Variants in RGS6 observed in about 807,000 individuals in gnomAD.
RGS6 encodes the protein regulator of G-protein signaling 6.
RGS6 carries 30 observed loss-of-function variants against 78.5 expected under a neutral mutation model. The observed-to-expected ratio is 0.38, with a 90% CI of 0.29 to 0.52. RGS6 has a LOEUF of 0.52. Ranked by LOEUF, RGS6 falls within the 20% of genes least tolerant of loss-of-function variation. The probability of loss-of-function intolerance (pLI) is 0.85; values close to 1 mark genes in which losing one functional copy is unlikely to be tolerated. For missense variants in RGS6, 495 were observed against 609.7 expected (o/e 0.81, Z 1.98); for synonymous variants, 206 against 206.0 (o/e 1.00, Z 0.00).
chr14:72,547,842 T>A lies in RGS6; in HGVS notation c.1422+7748T>A, dbSNP rs556397709. On this transcript the variant is annotated intron_variant, in intron 17 of 17. Coordinates refer to ENST00000553525, the MANE Select transcript of RGS6 (RefSeq NM_001204424.2). ...GGCCACATACGGGAATGGGCCTCAT[T>A]GGTGTAATATTTGGCAGATTCTCTC... Among the ~76,000 whole-genome samples the A allele has an allele frequency of 7.4e-4, 112 of 152,282 alleles. 1 individual carries two copies. The highest frequency in any genetic ancestry group is 2.7e-3 in the African/African-American group (111 of 41,572).
At chr14:72,499,889 C>A (rs908462084) in intron 13 of RGS6, among the ~76,000 whole-genome samples, 1 of 152,150 alleles carries the variant, frequency 6.6e-6, no homozygotes, top group Non-Finnish European at 1.5e-5. Context: ...CTCCTGGTTC[C>A]CTTTCTAAAT....
At chr14:72,484,532 T>C (rs183626939) in intron 12 of RGS6, among the ~76,000 whole-genome samples, 1 of 152,314 alleles carries the variant, frequency 6.6e-6, no homozygotes, top group East Asian at 1.9e-4. Context: ...TGTGTGGTTT[T>C]TTTTTGGTGG....
rs778835187 is a variant in RGS6 at position 72,352,213 on chromosome 14, G to A, written c.184+19G>A. 1.9e-6 allele frequency: 3 copies of A among 1,592,456 alleles called. No homozygotes were observed. The highest frequency in any genetic ancestry group is 1.7e-4 in the Middle Eastern group (1 of 6,016). On this transcript the variant is annotated intron_variant, in intron 3 of 17. Coordinates refer to ENST00000553525, the MANE Select transcript of RGS6 (RefSeq NM_001204424.2). ...GTCACAGGTAACACCCTCCTTGCAAGGTGTTGGTAACAGTCAGAACTACCA... is the reference window on the plus strand; with the variant it reads ...GTCACAGGTAACACCCTCCTTGCAAAGTGTTGGTAACAGTCAGAACTACCA...
intron 2 of RGS6, among the ~76,000 whole-genome samples, chr14:72,108,929 C>G (rs956282800): frequency 3.3e-5 from 5 of 151,976 alleles, no homozygotes; most frequent in African/African-American, 1.2e-4. Flanking sequence ...CCTCTTTTAT[C>G]CTTAAGCAAT....
rs567495494 is a variant in RGS6 at position 72,098,659 on chromosome 14, C to G, written c.84+133784C>G. On this transcript the variant is annotated intron_variant, in intron 2 of 17. Coordinates refer to ENST00000553525, the MANE Select transcript of RGS6 (RefSeq NM_001204424.2). ...AAAAATACAGAGTTCCAGTTTCCCTCAAAAATTTGGAAGTTTTGGCAAAAT... is the reference window on the plus strand; with the variant it reads ...AAAAATACAGAGTTCCAGTTTCCCTGAAAAATTTGGAAGTTTTGGCAAAAT... 2.0e-5 allele frequency among the ~76,000 whole-genome samples: 3 copies of G among 152,280 alleles called. No homozygotes were observed. The South Asian group carries it at 6.2e-4, about 32-fold the overall frequency.
At chr14:72,596,993 C>A in the RGS6 span, among the ~76,000 whole-genome samples, 1 of 152,330 alleles carries the variant, frequency 6.6e-6, no homozygotes, top group African/African-American at 2.4e-5. Context: ...AATCCCAACA[C>A]TTTGGGATGC....
intron 2 of RGS6, among the ~76,000 whole-genome samples, chr14:72,294,869 C>A (rs1050234608): frequency 2.0e-5 from 3 of 152,168 alleles, no homozygotes; most frequent in Non-Finnish European, 4.4e-5. Context: ...TGGGGGATTA[C>A]AACTAAAATG....
the RGS6 span, chr14:72,629,842 G>A: frequency 5.0e-5 from 45 of 908,232 alleles, no homozygotes; most frequent in Non-Finnish European, 7.2e-5. Flanking sequence ...GCAGGGCAGG[G>A]TAGCATGACG....
At position 72,192,025 on chromosome 14, in the gene RGS6, G is replaced by A. The variant is rs542290747; in HGVS notation, c.85-160070G>A. On this transcript the variant is annotated intron_variant, in intron 2 of 17. Coordinates refer to ENST00000553525, the MANE Select transcript of RGS6 (RefSeq NM_001204424.2). ...GAATACCTGGCAAGCAGACATGCAC[G>A]TGGGTCATTTTGTTTATTAACACCA... Among the ~76,000 whole-genome samples, 30 of 152,260 alleles carry A rather than the reference G, an allele frequency of 2.0e-4. No individual in the cohort carries two copies. The South Asian group carries it at 2.3e-3, about 12-fold the overall frequency.
chr14:72,489,200 A>G (rs1237423451), intron 12 of RGS6, among the ~76,000 whole-genome samples: 3 of 142,264 alleles, frequency 2.1e-5, no homozygotes, highest in Admixed American at 1.5e-4. Context: ...TGAGAATGCC[A>G]TGGATGCTGA....
chr14:72,358,928 G>T (rs1223932709), intron 3 of RGS6, among the ~76,000 whole-genome samples: 1 of 152,194 alleles, frequency 6.6e-6, no homozygotes, highest in Non-Finnish European at 1.5e-5. Context: ...ATGAGTCTTG[G>T]GAAGGATGCA....
intron 2 of RGS6, among the ~76,000 whole-genome samples, chr14:72,266,520 T>C (rs1461230947): frequency 6.6e-6 from 1 of 152,194 alleles, no homozygotes; most frequent in Non-Finnish European, 1.5e-5. Flanking sequence ...TTCTCGAATG[T>C]TCTTGAAGAT....
chr14:72,457,112 G>A lies in RGS6; in HGVS notation c.236-1159G>A, dbSNP rs192522214. Among the ~76,000 whole-genome samples the A allele has an allele frequency of 8.0e-3, 1,076 of 134,284 alleles. 13 individuals are homozygous for A. The highest frequency in any genetic ancestry group is 0.028 in the African/African-American group (977 of 34,550). The allele number at this position is 134,284 out of a possible 152,430, so 88.1% of individuals were successfully genotyped here. ...AAAAAAAAAAAAAAAAAAAAAAATA[G>A]CAAATTGGTCATCACTAAGCAAGTA... On this transcript the variant is annotated intron_variant, in intron 4 of 17. Coordinates refer to ENST00000553525, the MANE Select transcript of RGS6 (RefSeq NM_001204424.2).
chr14:72,571,522 G>A (rs192584097), downstream of RGS6, among the ~76,000 whole-genome samples: 12 of 152,320 alleles, frequency 7.9e-5, no homozygotes, highest in South Asian at 4.1e-4. Context: ...AAACCCATGC[G>A]TTTATAGCCA....
At chr14:72,004,465 A>G (rs2084121434) in intron 2 of RGS6, among the ~76,000 whole-genome samples, 1 of 152,224 alleles carries the variant, frequency 6.6e-6, no homozygotes, top group Non-Finnish European at 1.5e-5. Context: ...GAAAGTTAAA[A>G]CTATATTTTG....
At chr14:72,540,158 T>TTC (rs200138384) in intron 17 of RGS6, 64 bp downstream of exon 17, 78 of 275,006 alleles carry the variant, frequency 2.8e-4, no homozygotes, top group Middle Eastern at 1.6e-3. Context: ...TTTCTTCTTC[T>TTC]TTTTTTTTTT....
chr14:72,575,080 C>G, the RGS6 span, among the ~76,000 whole-genome samples: 39 of 152,036 alleles, frequency 2.6e-4, no homozygotes, highest in African/African-American at 8.0e-4. Flanking sequence ...AGAGCTGCTT[C>G]CAAAGAGGGT....
intron 2 of RGS6, among the ~76,000 whole-genome samples, chr14:71,982,147 G>T (rs1380695881): frequency 6.6e-6 from 1 of 152,162 alleles, no homozygotes; most frequent in African/African-American, 2.4e-5. Flanking sequence ...GCTTCGGCTG[G>T]CGCATGGTGC....
At chr14:71,965,676 T>C (rs1420095786) in intron 2 of RGS6, among the ~76,000 whole-genome samples, 1 of 152,102 alleles carries the variant, frequency 6.6e-6, no homozygotes, top group African/African-American at 2.4e-5. Flanking sequence ...GTGCCAAGAG[T>C]TGCAAGATTG....
Sources: allele counts gnomAD v4.1 joint callset (sites outside exome capture counted in the v4.1 genomes callset), GRCh38; gene constraint gnomAD v4.1.1; transcripts MANE v1.5; gene names NCBI Gene and HGNC (gene_info 2026-07-23, HGNC 2026-07-21).